Variants in TAFA2 observed in about 807,000 individuals in gnomAD.
TAFA2 encodes the protein chemokine-like protein TAFA-2.
In TAFA2, 7 loss-of-function variants were observed where a neutral mutation model predicts 18.8. The observed-to-expected ratio is 0.37, with a 90% CI of 0.21 to 0.70. The LOEUF (loss-of-function observed/expected upper bound fraction) is 0.70, where lower values mean the gene tolerates loss of function less well. TAFA2 is among the 30% of genes least tolerant of loss of function. TAFA2 has a pLI of 0.53. For missense variants in TAFA2, 122 were observed against 158.1 expected, an observed-to-expected ratio of 0.77 and a Z score of 1.23; for synonymous variants, 60 against 54.2, an observed-to-expected ratio of 1.11 and a Z score of -0.47.
intron 1 of TAFA2, among the ~76,000 whole-genome samples, chr12:62,023,421 T>C (rs1245703525): frequency 6.6e-6 from 1 of 152,148 alleles, no homozygotes; most frequent in Non-Finnish European, 1.5e-5. Context: ...TAATCATATA[T>C]ACATCTAGGA....
At chr12:61,754,806 A>C (rs911424221) in intron 3 of TAFA2, 66 bp downstream of exon 3, 72 of 1,533,334 alleles carry the variant, frequency 4.7e-5, no homozygotes, top group Non-Finnish European at 6.2e-5. Context: ...AGAGCATTAT[A>C]GTGGGGTTCT....
chr12:61,997,167 A>ATGTGTGTGTGTGTGTGTGTGTG (rs35419865), intron 1 of TAFA2, among the ~76,000 whole-genome samples: 38 of 145,538 alleles, frequency 2.6e-4, no homozygotes, highest in Non-Finnish European at 4.5e-4. Flanking sequence ...ATATGTATAT[A>ATGTGTGTGTGTGTGTGTGTGTG]TGTGTGTGTG....
At chr12:62,163,606 T>TCC (rs2062420116) in intron 1 of TAFA2, among the ~76,000 whole-genome samples, 1 of 152,124 alleles carries the variant, frequency 6.6e-6, no homozygotes, top group African/African-American at 2.4e-5. Flanking sequence ...GTGTCTTACC[T>TCC]ATTTAAAGAT....
intron 1 of TAFA2, among the ~76,000 whole-genome samples, chr12:62,089,628 C>A (rs1146077): frequency 0.41 from 61,737 of 151,796 alleles, 12,897 homozygotes; most frequent in African/African-American, 0.47. Flanking sequence ...CAGAAAGAAT[C>A]CTTTTAGGCC....
intron 1 of TAFA2, among the ~76,000 whole-genome samples, chr12:62,063,875 C>CACACAT (rs1882417893): frequency 6.6e-6 from 1 of 151,898 alleles, no homozygotes; most frequent in Non-Finnish European, 1.5e-5. Flanking sequence ...CACACACACA[C>CACACAT]ACACACACAT....
At chr12:61,862,666 T>A (rs2121202824) in intron 2 of TAFA2, among the ~76,000 whole-genome samples, 1 of 152,300 alleles carries the variant, frequency 6.6e-6, no homozygotes, top group South Asian at 2.1e-4. Context: ...ATATTCTCTC[T>A]ATGCACACCA....
At chr12:61,894,437 TA>T (rs1216660470) in intron 1 of TAFA2, among the ~76,000 whole-genome samples, 1 of 152,218 alleles carries the variant, frequency 6.6e-6, no homozygotes, top group Non-Finnish European at 1.5e-5. Context: ...CTCCAAAATA[TA>T]AATCAGGTAT....
At chr12:61,785,673 G>A (rs1488525891) in intron 2 of TAFA2, among the ~76,000 whole-genome samples, 1 of 151,398 alleles carries the variant, frequency 6.6e-6, no homozygotes, top group African/African-American at 2.4e-5. Context: ...ACTTCAGTAT[G>A]TGAACAAACA....
intron 1 of TAFA2, among the ~76,000 whole-genome samples, chr12:61,927,619 T>A (rs1877359678): frequency 6.6e-6 from 1 of 152,210 alleles, no homozygotes; most frequent in South Asian, 2.1e-4. Context: ...GCTATCCCCA[T>A]CAAGCTACCA....
chr12:61,834,092 A>C (rs1270272284), intron 2 of TAFA2, among the ~76,000 whole-genome samples: 1 of 152,026 alleles, frequency 6.6e-6, no homozygotes, highest in African/African-American at 2.4e-5. Flanking sequence ...TATTGCTTAC[A>C]TTGTGTTTAT....
rs533804737 is a variant in TAFA2, at chr12:61,891,579, C to T, written c.-1-24153G>A. Among the ~76,000 whole-genome samples, 46 of 151,864 alleles carry T rather than the reference C, an allele frequency of 3.0e-4. 1 individual carries two copies. In the East Asian group the frequency reaches 6.2e-3, roughly 21 times the overall value. On this transcript the variant is annotated intron_variant, in intron 1 of 4. Transcript: ENST00000416284. ...AGGAGAATCGCTTGAACCCGGGAGG[C>T]GGAGGTTGCAGTGAGCTGAGATCAT...
intron 1 of TAFA2, among the ~76,000 whole-genome samples, chr12:62,117,929 G>A (rs1023099111): frequency 2.2e-4 from 34 of 151,892 alleles, no homozygotes; most frequent in African/African-American, 7.5e-4. Flanking sequence ...AATAATCCGT[G>A]GCTTATAACA....
chr12:62,137,594 A>G (rs1870948947), intron 1 of TAFA2, among the ~76,000 whole-genome samples: 1 of 152,108 alleles, frequency 6.6e-6, no homozygotes, highest in African/African-American at 2.4e-5. Flanking sequence ...GTTAGAGCTT[A>G]GGGCCTTTCT....
At chr12:61,943,545 T>C (rs2121428720) in intron 1 of TAFA2, among the ~76,000 whole-genome samples, 2 of 146,994 alleles carry the variant, frequency 1.4e-5, no homozygotes, top group South Asian at 2.2e-4. Context: ...CAGTGTGCTG[T>C]ATTCAGGAAA....
chr12:62,220,264 G>GA (rs2062755164), intron 1 of TAFA2, among the ~76,000 whole-genome samples: 1 of 151,218 alleles, frequency 6.6e-6, no homozygotes, highest in African/African-American at 2.4e-5. Flanking sequence ...TACTAAAAAG[G>GA]AAAAAACTAC....
At chr12:62,172,186 T>C (rs2062482438) in intron 1 of TAFA2, among the ~76,000 whole-genome samples, 2 of 152,146 alleles carry the variant, frequency 1.3e-5, no homozygotes. Context: ...GACAAAATTA[T>C]AGGTTTAGGA....
intron 1 of TAFA2, among the ~76,000 whole-genome samples, chr12:62,245,780 T>C (rs190762893): frequency 5.4e-5 from 8 of 148,540 alleles, no homozygotes; most frequent in Non-Finnish European, 1.0e-4. Context: ...ATATATGCCT[T>C]TTCAAAAGAT....
intron 1 of TAFA2, among the ~76,000 whole-genome samples, chr12:62,204,465 A>G (rs2062683923): frequency 6.6e-6 from 1 of 151,030 alleles, no homozygotes; most frequent in Non-Finnish European, 1.5e-5. Context: ...AGGTAGTGCA[A>G]TCAGTTGTAG....
intron 1 of TAFA2, chr12:62,234,479 G>T: frequency 9.3e-7 from 1 of 1,074,944 alleles, no homozygotes; most frequent in Non-Finnish European, 1.4e-6. Flanking sequence ...TGCTTGAGAT[G>T]GTCAGACCTC....
Sources: gnomAD v4.1 joint callset for allele counts (sites outside exome capture counted in the v4.1 genomes callset) on GRCh38, gnomAD v4.1.1 for gene constraint, MANE v1.5 for transcripts, NCBI Gene and HGNC (gene_info 2026-07-23, HGNC 2026-07-21) for gene names.